The following FNDC3B variants were observed in gnomAD, a reference collection of about 807,000 sequenced individuals.
The protein encoded by FNDC3B is fibronectin type III domain containing 3B.
A neutral mutation model predicts 151.5 loss-of-function variants in FNDC3B; 12 were observed. That is an observed-to-expected ratio of 0.08 (90% CI 0.05 to 0.13). FNDC3B has a LOEUF of 0.13. Ranked by LOEUF, FNDC3B falls within the 10% of genes least tolerant of loss-of-function variation. The pLI, the probability that FNDC3B is intolerant of heterozygous loss-of-function variation, is 1.00. For synonymous variants in FNDC3B, 528 were observed against 549.0 expected (o/e 0.96, Z 0.54); for missense variants, 1,214 against 1,505.3 (o/e 0.81, Z 3.20).
At position 172,337,700 on chromosome 3, in the gene FNDC3B, G is replaced by A. The variant is rs1733056669; in HGVS notation, c.1852+299G>A. On this transcript the variant is annotated intron_variant, in intron 16 of 25. Coordinates refer to ENST00000415807, the MANE Select transcript of FNDC3B (RefSeq NM_022763.4). ...CTTTGGTTTGGTTTGTTTTTGTTTT[G>A]TTTTTTGAGATACGATCTCTGTCAC... 2.0e-5 allele frequency: 7 copies of A among 349,246 alleles called. No homozygotes were observed. In the South Asian group the frequency reaches 2.1e-4, roughly 10 times the overall value. 21.6% of individuals were successfully genotyped at this position (349,246 alleles called of 1,614,324 possible). A position where few individuals can be genotyped will look rare whatever the true frequency, so the allele number is the denominator to read the frequency against.
At chr3:172,242,020 A>G (rs1235303912) in intron 4 of FNDC3B, among the ~76,000 whole-genome samples, 1 of 152,250 alleles carries the variant, frequency 6.6e-6, no homozygotes, top group African/African-American at 2.4e-5. Context: ...AAATTGGCCC[A>G]AACAAAGGGG....
At chr3:172,378,497 T>C (rs548166506) in intron 24 of FNDC3B, 61 bp downstream of exon 24, 55 of 1,399,502 alleles carry the variant, frequency 3.9e-5, no homozygotes, top group South Asian at 2.8e-4. Flanking sequence ...TTGGGACTTA[T>C]AGAAAGAAGC....
At chr3:172,193,546 G>T (rs1221343676) in intron 3 of FNDC3B, among the ~76,000 whole-genome samples, 1 of 150,716 alleles carries the variant, frequency 6.6e-6, no homozygotes, top group African/African-American at 2.4e-5. Flanking sequence ...TATGCTTGGG[G>T]TTAAGGGGTC....
chr3:172,116,813 G>A (rs768295587), intron 2 of FNDC3B, among the ~76,000 whole-genome samples: 6 of 152,158 alleles, frequency 3.9e-5, no homozygotes, highest in African/African-American at 9.7e-5. Context: ...TGATCTGCCC[G>A]CCTTGGCCTC....
intron 3 of FNDC3B, among the ~76,000 whole-genome samples, chr3:172,169,300 G>A (rs903764056): frequency 6.6e-6 from 1 of 152,220 alleles, no homozygotes; most frequent in Non-Finnish European, 1.5e-5. Flanking sequence ...CCTGAGCGGC[G>A]CTCCGGAATG....
At chr3:172,353,969 A>AAG (rs1280139043) in intron 22 of FNDC3B, among the ~76,000 whole-genome samples, 1 of 151,838 alleles carries the variant, frequency 6.6e-6, no homozygotes, top group Non-Finnish European at 1.5e-5. Flanking sequence ...GGGGAAAAAA[A>AAG]AAAAACTTTA....
At chr3:172,183,855 T>C (rs1724043262) in intron 3 of FNDC3B, among the ~76,000 whole-genome samples, 2 of 152,340 alleles carry the variant, frequency 1.3e-5, no homozygotes, top group South Asian at 4.1e-4. Context: ...GCAGTAATAT[T>C]GAGACTAGGG....
intron 1 of FNDC3B, among the ~76,000 whole-genome samples, chr3:172,053,346 C>T (rs1002966068): frequency 5.3e-5 from 8 of 152,168 alleles, no homozygotes; most frequent in East Asian, 1.9e-4. Context: ...CACTGCTTCT[C>T]GATAGTTCAA....
chr3:172,055,405 CAT>C (rs1716863948), intron 1 of FNDC3B, among the ~76,000 whole-genome samples: 3 of 152,102 alleles, frequency 2.0e-5, no homozygotes, highest in Admixed American at 2.0e-4. Flanking sequence ...AATTAGAAAA[CAT>C]AGCTTTTTAG....
chr3:172,358,731 G>T (rs892474191), intron 22 of FNDC3B, among the ~76,000 whole-genome samples: 1 of 152,170 alleles, frequency 6.6e-6, no homozygotes, highest in Non-Finnish European at 1.5e-5. Context: ...TGATTTTACT[G>T]TGGAGTATAA....
At chr3:172,212,375 A>G (rs1055328001) in intron 3 of FNDC3B, among the ~76,000 whole-genome samples, 1 of 151,962 alleles carries the variant, frequency 6.6e-6, no homozygotes, top group Non-Finnish European at 1.5e-5. Context: ...TCTACTTTCT[A>G]TTTATTTTTT....
chr3:172,383,405 C>T lies in FNDC3B; in HGVS notation c.3303+2312C>T, dbSNP rs189625408. Among the ~76,000 whole-genome samples, 275 of 152,250 alleles carry T rather than the reference C, an allele frequency of 1.8e-3. 1 individual carries two copies. Among genetic ancestry groups the T allele is most frequent in the Middle Eastern group, 0.017 (5 of 294 alleles). On this transcript the variant is annotated intron_variant, in intron 25 of 25. Coordinates refer to ENST00000415807, the MANE Select transcript of FNDC3B (RefSeq NM_022763.4). Reference sequence around the variant, plus strand: ...TTTTCTAAACGTACAATCATGTCATCGAGGAGAAGTAGTCTTAACCTAACT... The same window carrying T: ...TTTTCTAAACGTACAATCATGTCATTGAGGAGAAGTAGTCTTAACCTAACT...
At chr3:172,348,744 CGTT>C (rs1733722338) in intron 21 of FNDC3B, among the ~76,000 whole-genome samples, 1 of 152,042 alleles carries the variant, frequency 6.6e-6, no homozygotes, top group Non-Finnish European at 1.5e-5. Flanking sequence ...AATCTTGCCT[CGTT>C]GTATTAACAG....
chr3:172,371,346 C>G (rs552194614), intron 23 of FNDC3B, among the ~76,000 whole-genome samples: 1 of 151,862 alleles, frequency 6.6e-6, no homozygotes, highest in Non-Finnish European at 1.5e-5. Context: ...TTTTTTTCCC[C>G]CATTATTTTC....
At chr3:172,113,597 C>T (rs1235281553) in intron 2 of FNDC3B, among the ~76,000 whole-genome samples, 1 of 152,186 alleles carries the variant, frequency 6.6e-6, no homozygotes, top group African/African-American at 2.4e-5. Context: ...TTCATGTCTT[C>T]TCACCACTGA....
intron 4 of FNDC3B, among the ~76,000 whole-genome samples, chr3:172,242,193 C>A (rs1307152687): frequency 6.6e-6 from 1 of 152,198 alleles, no homozygotes; most frequent in Non-Finnish European, 1.5e-5. Flanking sequence ...CAGGGTACAG[C>A]CTCACTCCTG....
At chr3:172,345,749 TA>T (rs1210826840) in intron 19 of FNDC3B, 6 of 152,202 alleles carry the variant, frequency 3.9e-5, no homozygotes, top group African/African-American at 1.4e-4. Flanking sequence ...GGTAAGTCTC[TA>T]GCAATTCCTG....
chr3:172,372,915 G>A (rs1734950687), intron 23 of FNDC3B, among the ~76,000 whole-genome samples: 1 of 152,200 alleles, frequency 6.6e-6, no homozygotes, highest in Non-Finnish European at 1.5e-5. Flanking sequence ...ACAAATGGGA[G>A]GAACTGACAC....
At chr3:172,133,707 TATG>T (rs1201737077) in intron 3 of FNDC3B, 161 bp downstream of exon 3, 4 of 687,632 alleles carry the variant, frequency 5.8e-6, no homozygotes, top group Non-Finnish European at 1.1e-5. Context: ...AAATATATAT[TATG>T]ATGTTATCCA....
Sources: gnomAD v4.1 joint callset for allele counts (sites outside exome capture counted in the v4.1 genomes callset) on GRCh38, gnomAD v4.1.1 for gene constraint, MANE v1.5 for transcripts, NCBI Gene and HGNC (gene_info 2026-07-23, HGNC 2026-07-21) for gene names.